The following SCD5 variants were observed in gnomAD, a reference collection of about 807,000 sequenced individuals.
SCD5 encodes the protein stearoyl-CoA desaturase 5, also known as acyl-CoA-desaturase 4.
SCD5 carries 20 observed loss-of-function variants against 30.4 expected under a neutral mutation model. The ratio of observed to expected loss-of-function variants is 0.66; its 90% CI spans 0.46 to 0.96. The LOEUF is 0.96. Ranked by LOEUF, SCD5 falls within the 40% of genes least tolerant of loss-of-function variation. The probability of loss-of-function intolerance (pLI) is 0.00; values close to 1 mark genes in which losing one functional copy is unlikely to be tolerated. For missense variants in SCD5, 381 were observed against 443.3 expected (o/e 0.86, Z 1.26); for synonymous variants, 173 against 176.4 (o/e 0.98, Z 0.16).
intron 1 of SCD5, among the ~76,000 whole-genome samples, chr4:82,721,308 T>G (rs897115744): frequency 6.6e-6 from 1 of 152,208 alleles, no homozygotes; most frequent in Admixed American, 6.5e-5. Context: ...TGCTTCTTAT[T>G]CCCCCACAGA....
chr4:82,724,777 G>A (rs1322390511), intron 1 of SCD5, among the ~76,000 whole-genome samples: 1 of 152,214 alleles, frequency 6.6e-6, no homozygotes, highest in Non-Finnish European at 1.5e-5. Flanking sequence ...TAGATACCCT[G>A]AAAACTGCTG....
chr4:82,651,845 G>A (rs1377421864), intron 3 of SCD5, among the ~76,000 whole-genome samples: 7 of 152,172 alleles, frequency 4.6e-5, no homozygotes, highest in Admixed American at 6.5e-5. Context: ...CCTAGGAGGC[G>A]GAGGTTGCAG....
chr4:82,699,986 G>A (rs1719783254), intron 2 of SCD5, among the ~76,000 whole-genome samples: 1 of 151,878 alleles, frequency 6.6e-6, no homozygotes, highest in South Asian at 2.1e-4. Context: ...GAAGGCCAAG[G>A]CAGGTGGATC....
At chr4:82,776,027 G>C (rs1721736846) in intron 1 of SCD5, 1 of 153,230 alleles carries the variant, frequency 6.5e-6, no homozygotes, top group South Asian at 2.1e-4. Flanking sequence ...AGGCCGAAAG[G>C]ACAAAGAATC....
chr4:82,788,986 C>T (rs1039777828), intron 1 of SCD5, among the ~76,000 whole-genome samples: 1 of 152,258 alleles, frequency 6.6e-6, no homozygotes, highest in Non-Finnish European at 1.5e-5. Context: ...TTTTCCTTTT[C>T]TTTTAAGCCA....
In SCD5 at chr4:82,798,601, C is replaced by G. The variant is rs1722286239; in HGVS notation, c.-64G>C. On this transcript the variant is annotated 5_prime_UTR_variant, in exon 1 of 5. Transcript: ENST00000319540. ...GCAGGCGCTCTGCCCGAGCGGAGCTCGAGGGTGGGGGCGGGGGCTTCTGCC... is the reference window on the plus strand; with the variant it reads ...GCAGGCGCTCTGCCCGAGCGGAGCTGGAGGGTGGGGGCGGGGGCTTCTGCC... 2.1e-6 allele frequency: 3 copies of G among 1,409,564 alleles called. No homozygotes were observed. The highest frequency in any genetic ancestry group is 2.8e-6 in the Non-Finnish European group (3 of 1,055,134). 87.3% of individuals were successfully genotyped at this position (1,409,564 alleles called of 1,614,324 possible).
At chr4:82,766,663 T>A (rs1721493472) in intron 1 of SCD5, among the ~76,000 whole-genome samples, 1 of 152,220 alleles carries the variant, frequency 6.6e-6, no homozygotes, top group Non-Finnish European at 1.5e-5. Context: ...TATCAGACAT[T>A]GTGAATTTTG....
intron 1 of SCD5, among the ~76,000 whole-genome samples, chr4:82,791,704 G>C (rs1051379816): frequency 2.6e-5 from 4 of 152,082 alleles, no homozygotes; most frequent in Non-Finnish European, 5.9e-5. Flanking sequence ...AAAGAAACAT[G>C]GGACAGAGGA....
chr4:82,662,385 C>G (rs927624687), intron 3 of SCD5, among the ~76,000 whole-genome samples: 1 of 151,674 alleles, frequency 6.6e-6, no homozygotes, highest in African/African-American at 2.4e-5. Context: ...ACAAATGGCC[C>G]AAAACATAAA....
intron 2 of SCD5, among the ~76,000 whole-genome samples, chr4:82,699,350 G>A (rs529035716): frequency 5.3e-5 from 8 of 152,048 alleles, no homozygotes; most frequent in Non-Finnish European, 1.0e-4. Flanking sequence ...TATCAAATGA[G>A]GAAAATAATA....
intron 1 of SCD5, among the ~76,000 whole-genome samples, chr4:82,707,519 C>A (rs1035617666): frequency 6.6e-6 from 1 of 152,162 alleles, no homozygotes; most frequent in African/African-American, 2.4e-5. Context: ...TGCTTCTAAC[C>A]AAGAGAATAT....
At chr4:82,765,804 G>A (rs1419257911) in intron 1 of SCD5, among the ~76,000 whole-genome samples, 1 of 152,012 alleles carries the variant, frequency 6.6e-6, no homozygotes, top group Non-Finnish European at 1.5e-5. Flanking sequence ...ATTTTTAGTA[G>A]AGGCGGGGTT....
rs1022188121 is a variant in SCD5 at position 82,751,651 on chromosome 4, G to A, written c.233-46238C>T. On this transcript the variant is annotated intron_variant, in intron 1 of 4. Transcript: ENST00000319540. ...AGTTAGTTAGTTATTTTTTTGAGAC[G>A]GAGTCTTGTTCTGTCACCAGGCTGG... 2.0e-5 allele frequency among the ~76,000 whole-genome samples: 3 copies of A among 151,834 alleles called. No homozygotes were observed. The East Asian group carries it at 5.8e-4, about 29-fold the overall frequency.
In SCD5 at chr4:82,764,064, C is replaced by T. The variant is rs564755456; in HGVS notation, c.232+34242G>A. Among the ~76,000 whole-genome samples the T allele has an allele frequency of 8.5e-4, 129 of 152,296 alleles. 2 individuals carry two copies. The highest frequency in any genetic ancestry group is 3.0e-3 in the African/African-American group (123 of 41,564). On this transcript the variant is annotated intron_variant, in intron 1 of 4. Coordinates refer to ENST00000319540, the MANE Select transcript of SCD5 (RefSeq NM_001037582.3). ...AAAGAGAGTTTCTTTTGCAGCATATCATTGGGCCTCACTTTTTAAACCAAT... is the reference window on the plus strand; with the variant it reads ...AAAGAGAGTTTCTTTTGCAGCATATTATTGGGCCTCACTTTTTAAACCAAT...
chr4:82,636,361 G>T (rs139085734), intron 4 of SCD5, among the ~76,000 whole-genome samples: 1,554 of 151,012 alleles, frequency 0.01, 29 homozygotes, highest in African/African-American at 0.035. Flanking sequence ...TGAGGCAGGA[G>T]AATTGCTTGA....
intron 3 of SCD5, among the ~76,000 whole-genome samples, chr4:82,651,532 G>A (rs1727750101): frequency 6.6e-6 from 1 of 152,052 alleles, no homozygotes; most frequent in South Asian, 2.1e-4. Flanking sequence ...TTGGGTGATG[G>A]GTGCACCAAA....
At chr4:82,783,717 C>T (rs1225169128) in intron 1 of SCD5, among the ~76,000 whole-genome samples, 2 of 151,160 alleles carry the variant, frequency 1.3e-5, no homozygotes, top group East Asian at 3.9e-4. Flanking sequence ...GCAGGAGAAT[C>T]GCTTGAACCT....
intron 1 of SCD5, among the ~76,000 whole-genome samples, chr4:82,712,361 A>G (rs1720129442): frequency 7.5e-6 from 1 of 133,078 alleles, no homozygotes; most frequent in Admixed American, 7.6e-5. Context: ...GGCTCCGCCC[A>G]GGCTGGAGTG....
At chr4:82,750,413 C>T (rs906807997) in intron 1 of SCD5, among the ~76,000 whole-genome samples, 15 of 152,166 alleles carry the variant, frequency 9.9e-5, no homozygotes, top group Admixed American at 2.6e-4. Flanking sequence ...CTTCTTCACA[C>T]ATGCAAGAAG....
Sources: gnomAD v4.1 joint callset for allele counts (sites outside exome capture counted in the v4.1 genomes callset) on GRCh38, gnomAD v4.1.1 for gene constraint, MANE v1.5 for transcripts, NCBI Gene and HGNC (gene_info 2026-07-23, HGNC 2026-07-21) for gene names.